OR51B5: variants seen among roughly 807,000 people sequenced by gnomAD.
The protein encoded by OR51B5 is olfactory receptor 51B5.
For missense variants in OR51B5, 456 were observed against 374.6 expected, an observed-to-expected ratio of 1.22 and a Z score of -1.79; for synonymous variants, 186 against 144.8, an observed-to-expected ratio of 1.28 and a Z score of -2.04.
rs976601079 is a variant in OR51B5, at chr11:5,483,011, A to G, written n.84+22558T>C. 2.2e-5 allele frequency among the ~76,000 whole-genome samples: 3 copies of G among 135,324 alleles called. 1 individual carries two copies. Among genetic ancestry groups the G allele is most frequent in the African/African-American group, 8.5e-5 (3 of 35,332 alleles). The allele number at this position is 135,324 out of a possible 152,430, so 88.8% of individuals were successfully genotyped here. A position where few individuals can be genotyped will look rare whatever the true frequency, so the allele number is the denominator to read the frequency against. ...ACCCAGCCATCCCATTACTGGGTAT[A>G]TACCCAAAGGACTATAAATCATGCT... On this transcript the variant is annotated intron_variant and non_coding_transcript_variant, in intron 1 of 4. Coordinates refer to the OR51B5 transcript ENST00000415970.
upstream of OR51B5, chr11:5,345,670 C>G (rs921582534): frequency 2.0e-5 from 3 of 151,944 alleles, no homozygotes; most frequent in African/African-American, 7.3e-5. Context: ...TGTTTTTATC[C>G]TAAGTTAAAA....
chr11:5,382,030 T>C (rs1254471561), intron 1 of OR51B5, among the ~76,000 whole-genome samples: 1 of 152,240 alleles, frequency 6.6e-6, no homozygotes, highest in Non-Finnish European at 1.5e-5. Context: ...AAATCCTTCC[T>C]GCATATTGTT....
chr11:5,422,417 C>A (rs1850355174), intron 1 of OR51B5: 1 of 1,614,040 alleles, frequency 6.2e-7, no homozygotes, highest in Admixed American at 1.7e-5. Flanking sequence ...CCTGACGGAC[C>A]TGGGTCTCAC....
At chr11:5,430,965 T>C (rs1238820288) in intron 1 of OR51B5, 1 of 456,984 alleles carries the variant, frequency 2.2e-6, no homozygotes, top group South Asian at 1.5e-5. Flanking sequence ...CGATAAGCAA[T>C]GAGTCCAGCC....
intron 1 of OR51B5, among the ~76,000 whole-genome samples, chr11:5,474,350 C>T (rs1469274679): frequency 6.6e-6 from 1 of 152,040 alleles, no homozygotes; most frequent in Non-Finnish European, 1.5e-5. Flanking sequence ...CATAAAATCA[C>T]CACTTACAGG....
At chr11:5,360,741 C>T (rs371305687) in intron 1 of OR51B5, among the ~76,000 whole-genome samples, 3 of 149,622 alleles carry the variant, frequency 2.0e-5, no homozygotes, top group Non-Finnish European at 4.5e-5. Flanking sequence ...GGAACCAACC[C>T]AAATGTCCAA....
intron 1 of OR51B5, among the ~76,000 whole-genome samples, chr11:5,427,872 TATG>T (rs1211237142): frequency 6.6e-6 from 1 of 152,178 alleles, no homozygotes; most frequent in Non-Finnish European, 1.5e-5. Context: ...TGCAAAGAAT[TATG>T]ATATGGTGAA....
intron 1 of OR51B5, among the ~76,000 whole-genome samples, chr11:5,426,345 G>T (rs1437204712): frequency 6.6e-6 from 1 of 152,148 alleles, no homozygotes; most frequent in African/African-American, 2.4e-5. Context: ...ATTACAGGAT[G>T]AAGTTTAATG....
intron 1 of OR51B5, among the ~76,000 whole-genome samples, chr11:5,397,135 T>C (rs940455774): frequency 3.3e-5 from 5 of 152,184 alleles, no homozygotes; most frequent in African/African-American, 1.2e-4. Flanking sequence ...ATTCAGGACA[T>C]AGGCATGGGC....
At chr11:5,426,892 C>T (rs1162465889) in intron 1 of OR51B5, among the ~76,000 whole-genome samples, 1 of 152,198 alleles carries the variant, frequency 6.6e-6, no homozygotes, top group Non-Finnish European at 1.5e-5. Context: ...AGAAAAGAGA[C>T]TAAAGTCAGT....
At chr11:5,462,244 G>A (rs551366537) in intron 1 of OR51B5, among the ~76,000 whole-genome samples, 37 of 152,180 alleles carry the variant, frequency 2.4e-4, no homozygotes, top group Non-Finnish European at 5.0e-4. Context: ...TGAAATTCTT[G>A]CTCTCTCTGT....
intron 1 of OR51B5, among the ~76,000 whole-genome samples, chr11:5,470,464 T>TC (rs1197111066): frequency 6.6e-6 from 1 of 152,182 alleles, no homozygotes; most frequent in African/African-American, 2.4e-5. Context: ...ACCCATAATG[T>TC]CCTCCATGTC....
At chr11:5,436,260 GGGGTTCA>G (rs1850590822) in intron 1 of OR51B5, among the ~76,000 whole-genome samples, 1 of 152,138 alleles carries the variant, frequency 6.6e-6, no homozygotes, top group African/African-American at 2.4e-5. Context: ...GTGACAGTCT[GGGGTTCA>G]TGTAAGAAAC....
intron 1 of OR51B5, among the ~76,000 whole-genome samples, chr11:5,493,469 T>C (rs1465139878): frequency 6.6e-6 from 1 of 152,164 alleles, no homozygotes; most frequent in East Asian, 1.9e-4. Context: ...TAAAGAATTA[T>C]CTCAACTCCG....
At chr11:5,495,038 C>T (rs1456449347) in intron 1 of OR51B5, among the ~76,000 whole-genome samples, 1 of 152,156 alleles carries the variant, frequency 6.6e-6, no homozygotes, top group African/African-American at 2.4e-5. Flanking sequence ...AAGTTTCCAG[C>T]TGCTATCCCC....
intron 1 of OR51B5, among the ~76,000 whole-genome samples, chr11:5,376,543 C>T (rs539006177): frequency 7.2e-5 from 11 of 151,998 alleles, no homozygotes; most frequent in African/African-American, 2.4e-4. Flanking sequence ...TTGAAAGGAT[C>T]AACAAAACTG....
At chr11:5,408,046 C>A (rs989820945) in intron 1 of OR51B5, among the ~76,000 whole-genome samples, 6 of 152,096 alleles carry the variant, frequency 3.9e-5, no homozygotes, top group African/African-American at 1.2e-4. Flanking sequence ...GCTTATGATA[C>A]CTTTTTCAAT....
intron 1 of OR51B5, among the ~76,000 whole-genome samples, chr11:5,377,850 T>C (rs919424722): frequency 6.6e-6 from 1 of 152,106 alleles, no homozygotes; most frequent in African/African-American, 2.4e-5. Flanking sequence ...TGCTTATGGG[T>C]AGGAAGAATC....
At chr11:5,464,939 G>T (rs1400836817) in intron 1 of OR51B5, among the ~76,000 whole-genome samples, 1 of 152,150 alleles carries the variant, frequency 6.6e-6, no homozygotes, top group Non-Finnish European at 1.5e-5. Context: ...GGGCGCGGTG[G>T]CTCACGCCTG....
Sources: allele counts gnomAD v4.1 joint callset (sites outside exome capture counted in the v4.1 genomes callset), GRCh38; gene constraint gnomAD v4.1.1; transcripts MANE v1.5; gene names NCBI Gene and HGNC (gene_info 2026-07-23, HGNC 2026-07-21).